Variants in KIF6 observed in about 807,000 individuals in gnomAD.
KIF6 encodes the protein kinesin-like protein KIF6.
KIF6 carries 106 observed loss-of-function variants against 112.7 expected under a neutral mutation model. The ratio of observed to expected loss-of-function variants is 0.94; its 90% confidence interval spans 0.80 to 1.11. KIF6 has a LOEUF of 1.11. Ranked by LOEUF, KIF6 falls within the 50% of genes least tolerant of loss-of-function variation. The pLI, the probability that KIF6 is intolerant of heterozygous loss-of-function variation, is 0.00. For missense variants in KIF6, 929 were observed against 964.0 expected (o/e 0.96, Z 0.48); for synonymous variants, 339 against 339.9 (o/e 1.00, Z 0.03).
intron 10 of KIF6, among the ~76,000 whole-genome samples, chr6:39,564,435 T>A (rs116195110): frequency 0.014 from 2,071 of 152,264 alleles, 17 homozygotes; most frequent in Non-Finnish European, 0.022. Context: ...GAGTTTAGCT[T>A]CTTAGAGTTA....
At chr6:39,621,238 C>CACAT (rs1287707946) in intron 5 of KIF6, among the ~76,000 whole-genome samples, 1 of 150,798 alleles carries the variant, frequency 6.6e-6, no homozygotes, top group African/African-American at 2.5e-5. Flanking sequence ...CACACGTACA[C>CACAT]ATATATCTTT....
chr6:39,577,825 CCT>C (rs1781054582), intron 10 of KIF6, among the ~76,000 whole-genome samples: 2 of 152,168 alleles, frequency 1.3e-5, no homozygotes, highest in Admixed American at 1.3e-4. Context: ...ATATTCCCAT[CCT>C]CTCTTTGCTC....
chr6:39,346,049 G>GCTCACTCTCTCT (rs1554196850), intron 20 of KIF6, among the ~76,000 whole-genome samples: 2 of 28,994 alleles, frequency 6.9e-5, no homozygotes, highest in Non-Finnish European at 1.3e-4. Flanking sequence ...AAACTACAGT[G>GCTCACTCTCTCT]CTCTCTCTCT....
intron 13 of KIF6, among the ~76,000 whole-genome samples, chr6:39,532,060 C>G (rs975425008): frequency 6.6e-6 from 1 of 152,068 alleles, no homozygotes; most frequent in Non-Finnish European, 1.5e-5. Flanking sequence ...CCTTCACCCC[C>G]GCTTTTGGGA....
chr6:39,390,031 CAAA>C (rs943420819), intron 15 of KIF6, among the ~76,000 whole-genome samples: 6 of 43,554 alleles, frequency 1.4e-4, no homozygotes, highest in Admixed American at 2.1e-4. Context: ...ACTCTGTCTC[CAAA>C]AAAAAAAAAA....
intron 13 of KIF6, among the ~76,000 whole-genome samples, chr6:39,454,953 G>A (rs1198709872): frequency 2.6e-5 from 4 of 151,926 alleles, no homozygotes; most frequent in Admixed American, 6.5e-5. Context: ...AGGGGCGCCC[G>A]CCATTGCCCA....
At chr6:39,622,952 G>C (rs1249179661) in intron 5 of KIF6, among the ~76,000 whole-genome samples, 1 of 152,164 alleles carries the variant, frequency 6.6e-6, no homozygotes, top group Non-Finnish European at 1.5e-5. Context: ...AAGGTGCGGT[G>C]GTGTGGGAGA....
At chr6:39,529,674 C>A (rs1777930729) in intron 13 of KIF6, among the ~76,000 whole-genome samples, 1 of 151,948 alleles carries the variant, frequency 6.6e-6, no homozygotes, top group Non-Finnish European at 1.5e-5. Flanking sequence ...GTAGTCCCAG[C>A]TACTTGGGAG....
intron 5 of KIF6, among the ~76,000 whole-genome samples, chr6:39,621,095 A>C (rs1444811075): frequency 6.6e-6 from 1 of 151,696 alleles, no homozygotes; most frequent in African/African-American, 2.4e-5. Context: ...TAGTTACACA[A>C]TATTTTAGGG....
intron 13 of KIF6, among the ~76,000 whole-genome samples, chr6:39,491,284 C>G (rs969130343): frequency 3.9e-5 from 6 of 151,970 alleles, no homozygotes; most frequent in Non-Finnish European, 7.4e-5. Flanking sequence ...AACGCTCACA[C>G]AGAGAACACA....
intron 15 of KIF6, among the ~76,000 whole-genome samples, chr6:39,388,830 CCT>C (rs1289181546): frequency 6.6e-6 from 1 of 152,168 alleles, no homozygotes; most frequent in Non-Finnish European, 1.5e-5. Flanking sequence ...GAACTCCCAG[CCT>C]GAGGCCGGAG....
intron 6 of KIF6, among the ~76,000 whole-genome samples, chr6:39,610,344 T>C (rs1783149300): frequency 6.6e-6 from 1 of 152,228 alleles, no homozygotes; most frequent in African/African-American, 2.4e-5. Flanking sequence ...CTACTCTTAA[T>C]AACTTTTCCT....
intron 22 of KIF6, among the ~76,000 whole-genome samples, chr6:39,340,410 A>G (rs1221811834): frequency 6.6e-6 from 1 of 152,164 alleles, no homozygotes; most frequent in Non-Finnish European, 1.5e-5. Context: ...CAGAGTGGGC[A>G]TATCTTGGTA....
chr6:39,544,572 TG>T lies in KIF6; in HGVS notation c.1408del (p.Gln470ArgfsTer13), dbSNP rs1193828149. 3.1e-6 allele frequency: 5 copies of T among 1,612,294 alleles called. No individual in the cohort carries two copies. The East Asian group carries it at 1.1e-4, about 36-fold the overall frequency. On this transcript the variant is annotated frameshift_variant, in exon 12 of 23. Coordinates refer to ENST00000287152, the MANE Select transcript of KIF6 (RefSeq NM_145027.6). LOFTEE classifies it high-confidence loss of function. Reference protein sequence around the residue: ...EYRKLRDILKQRDNEINILVN... With the variant: ...EYRKLRDILKXRDNEINILVN... Reference sequence around the variant, plus strand: ...AAGGATACTGATTTCGTTATCTCTCTGTTTCAGAATATCTCGTAGCTTTCTA... The same window carrying T: ...AAGGATACTGATTTCGTTATCTCTCTTTTCAGAATATCTCGTAGCTTTCTA...
Position 39,462,203 on chromosome 6 carries a change from G to A in KIF6, c.1646-31042C>T, listed in dbSNP as rs141945180. 1.4e-3 allele frequency among the ~76,000 whole-genome samples: 217 copies of A among 152,260 alleles called. 1 individual carries two copies. The highest frequency in any genetic ancestry group is 4.9e-3 in the African/African-American group (203 of 41,554). Reference sequence around the variant, plus strand: ...AAAATGTATGAGAACGTTTGGAGGGGTATTCTTGGAAGGCTTTTTGCTTTC... The same window carrying A: ...AAAATGTATGAGAACGTTTGGAGGGATATTCTTGGAAGGCTTTTTGCTTTC... On this transcript the variant is annotated intron_variant, in intron 13 of 22. Transcript: ENST00000287152.
Position 39,419,441 on chromosome 6 carries a change from C to A in KIF6, c.1810+507G>T, listed in dbSNP as rs921263116. ...AACTTCACCTTTGCAGGGGTACTCACCTAAGTGGGGAGCCCTCCGTGGCAG... is the reference window on the plus strand; with the variant it reads ...AACTTCACCTTTGCAGGGGTACTCAACTAAGTGGGGAGCCCTCCGTGGCAG... On this transcript the variant is annotated intron_variant, in intron 15 of 22. Coordinates refer to ENST00000287152, the MANE Select transcript of KIF6 (RefSeq NM_145027.6). Among the ~76,000 whole-genome samples, 3 of 151,944 alleles carry A rather than the reference C, an allele frequency of 2.0e-5. No homozygotes were observed. In the East Asian group the frequency reaches 5.8e-4, roughly 29 times the overall value.
intron 10 of KIF6, among the ~76,000 whole-genome samples, chr6:39,576,605 G>T (rs1321916188): frequency 6.6e-6 from 1 of 152,118 alleles, no homozygotes; most frequent in African/African-American, 2.4e-5. Context: ...ACAGTGTCTC[G>T]ACTAGCACCT....
chr6:39,486,122 C>T (rs1220957872), intron 13 of KIF6, among the ~76,000 whole-genome samples: 3 of 152,170 alleles, frequency 2.0e-5, no homozygotes, highest in Non-Finnish European at 2.9e-5. Context: ...ACTCTATGTC[C>T]CCTACCTCTG....
At chr6:39,426,007 C>T (rs1770738276) in intron 14 of KIF6, among the ~76,000 whole-genome samples, 1 of 152,178 alleles carries the variant, frequency 6.6e-6, no homozygotes, top group African/African-American at 2.4e-5. Context: ...GTTTAGTTTA[C>T]ATTTTCAACA....
Sources: allele counts gnomAD v4.1 joint callset (sites outside exome capture counted in the v4.1 genomes callset), GRCh38; gene constraint gnomAD v4.1.1; transcripts MANE v1.5; gene names NCBI Gene and HGNC (gene_info 2026-07-23, HGNC 2026-07-21).